The following GATAD2B variants were observed in gnomAD, a reference collection of about 807,000 sequenced individuals.
GATAD2B encodes transcriptional repressor p66-beta.
A neutral mutation model predicts 64.3 loss-of-function variants in GATAD2B; 8 were observed. That is an observed-to-expected ratio of 0.12 (90% confidence interval 0.07 to 0.22). The LOEUF is 0.22. GATAD2B is among the 10% of genes least tolerant of loss of function. The pLI, the probability that GATAD2B is intolerant of heterozygous loss-of-function variation, is 1.00. For synonymous variants in GATAD2B, 281 were observed against 271.3 expected, an observed-to-expected ratio of 1.04 and a Z score of -0.35; for missense variants, 453 against 752.0, an observed-to-expected ratio of 0.60 and a Z score of 4.65.
chr1:153,849,238 G>A (rs759164933), intron 1 of GATAD2B, among the ~76,000 whole-genome samples: 2 of 152,212 alleles, frequency 1.3e-5, no homozygotes, highest in Non-Finnish European at 2.9e-5. Flanking sequence ...CAAGGTACTG[G>A]CATGTGGTGA....
At chr1:153,912,360 C>G (rs765938569) in intron 1 of GATAD2B, among the ~76,000 whole-genome samples, 1 of 152,012 alleles carries the variant, frequency 6.6e-6, no homozygotes, top group Non-Finnish European at 1.5e-5. Flanking sequence ...ATAAGCAAAA[C>G]TTTCAAATTC....
In GATAD2B at chr1:153,888,543, G is replaced by C. The variant is rs916846062; in HGVS notation, c.-2+34190C>G. 6.6e-5 allele frequency among the ~76,000 whole-genome samples: 10 copies of C among 152,142 alleles called. 1 individual carries two copies. The highest frequency in any genetic ancestry group is 2.4e-4 in the African/African-American group (10 of 41,418). On this transcript the variant is annotated intron_variant, in intron 1 of 10. Transcript: ENST00000368655. ...CTGTACCTTCCCTCTATCTTTGCAG[G>C]GGGACCAAGTTCTTTTTAGGCAAGT...
intron 1 of GATAD2B, among the ~76,000 whole-genome samples, chr1:153,868,720 TA>T (rs1676559083): frequency 6.6e-6 from 1 of 151,500 alleles, no homozygotes; most frequent in Non-Finnish European, 1.5e-5. Flanking sequence ...GTTTTCCCAC[TA>T]ATATATATAC....
intron 1 of GATAD2B, among the ~76,000 whole-genome samples, chr1:153,863,695 C>A (rs1344786720): frequency 6.6e-6 from 1 of 151,804 alleles, no homozygotes; most frequent in Non-Finnish European, 1.5e-5. Context: ...GCGATCTTGG[C>A]TCAGTGCAAC....
intron 2 of GATAD2B, among the ~76,000 whole-genome samples, chr1:153,825,722 A>C (rs909252443): frequency 6.6e-6 from 1 of 151,972 alleles, no homozygotes; most frequent in East Asian, 1.9e-4. Context: ...CCGCTTACTA[A>C]GAGTTTTTAA....
intron 1 of GATAD2B, among the ~76,000 whole-genome samples, chr1:153,850,684 C>T (rs546234760): frequency 6.6e-6 from 1 of 152,138 alleles, no homozygotes; most frequent in African/African-American, 2.4e-5. Context: ...CTTTGGGAGG[C>T]CTACGCAGGC....
At position 153,806,601 on chromosome 1, in the gene GATAD2B, T is replaced by C. The variant is rs1674119515; in HGVS notation, c.*3576A>G. 2 of 139,830 alleles carry C rather than the reference T, an allele frequency of 1.4e-5. No homozygotes were observed. 8.7% of individuals were successfully genotyped at this position (139,830 alleles called of 1,614,324 possible). A position where few individuals can be genotyped will look rare whatever the true frequency, so the allele number is the denominator to read the frequency against. On this transcript the variant is annotated 3_prime_UTR_variant, in exon 11 of 11. Coordinates refer to ENST00000368655, the MANE Select transcript of GATAD2B (RefSeq NM_020699.4). ...AATATCCATGGCTAGGGCTTTTTTT[T>C]CTCTTTTTCAGGTTTTTTTTTTTTT...
At chr1:153,827,859 T>C (rs979153901) in intron 2 of GATAD2B, among the ~76,000 whole-genome samples, 154 bp downstream of exon 2, 1 of 152,198 alleles carries the variant, frequency 6.6e-6, no homozygotes, top group Non-Finnish European at 1.5e-5. Context: ...TGGTTTCATT[T>C]GGAAATAAAA....
intron 1 of GATAD2B, among the ~76,000 whole-genome samples, chr1:153,839,295 C>A (rs367736027): frequency 7.9e-5 from 12 of 152,000 alleles, no homozygotes; most frequent in African/African-American, 2.7e-4. Flanking sequence ...TAAACCAAAA[C>A]CTGGATTTGC....
At chr1:153,848,062 C>T (rs1352013786) in intron 1 of GATAD2B, among the ~76,000 whole-genome samples, 2 of 152,152 alleles carry the variant, frequency 1.3e-5, no homozygotes, top group African/African-American at 2.4e-5. Context: ...ATAAATTCCC[C>T]AGTTAGTTCT....
intron 1 of GATAD2B, among the ~76,000 whole-genome samples, chr1:153,876,954 T>C (rs1050457075): frequency 2.6e-5 from 4 of 151,380 alleles, no homozygotes; most frequent in African/African-American, 9.7e-5. Context: ...CGGGTGGAGG[T>C]TACAGTGAGC....
At chr1:153,848,656 G>A (rs1420917776) in intron 1 of GATAD2B, among the ~76,000 whole-genome samples, 1 of 152,056 alleles carries the variant, frequency 6.6e-6, no homozygotes. Context: ...ATCTCCATTT[G>A]GGTGTTGTCT....
intron 1 of GATAD2B, among the ~76,000 whole-genome samples, chr1:153,919,562 A>C (rs1343628062): frequency 6.6e-6 from 1 of 152,198 alleles, no homozygotes. Context: ...CCTACAGAAA[A>C]AGCTTCACAG....
chr1:153,834,444 G>A (rs577979526), intron 1 of GATAD2B, among the ~76,000 whole-genome samples: 1 of 151,686 alleles, frequency 6.6e-6, no homozygotes, highest in Non-Finnish European at 1.5e-5. Flanking sequence ...GCCCAGGCTG[G>A]AGTGCAATGG....
chr1:153,834,898 T>C (rs1026877087), intron 1 of GATAD2B, among the ~76,000 whole-genome samples: 2 of 151,620 alleles, frequency 1.3e-5, no homozygotes, highest in African/African-American at 2.4e-5. Context: ...GACAGGAGGA[T>C]CACTTGAGCC....
intron 1 of GATAD2B, among the ~76,000 whole-genome samples, chr1:153,829,321 C>A (rs1437291180): frequency 6.6e-6 from 1 of 152,158 alleles, no homozygotes; most frequent in African/African-American, 2.4e-5. Flanking sequence ...GTAAGAAAAT[C>A]TTTTAAGTCA....
intron 7 of GATAD2B, among the ~76,000 whole-genome samples, chr1:153,813,834 C>T (rs554144470): frequency 1.3e-4 from 20 of 152,188 alleles, no homozygotes; most frequent in Admixed American, 1.0e-3. Context: ...AAAAATTAGG[C>T]GGGCGTGGTG....
chr1:153,835,515 C>G (rs1675231890), intron 1 of GATAD2B, among the ~76,000 whole-genome samples: 2 of 151,766 alleles, frequency 1.3e-5, no homozygotes, highest in African/African-American at 4.8e-5. Flanking sequence ...CCTTCAGCAA[C>G]CACCACACTA....
At chr1:153,865,312 T>C (rs1487347075) in intron 1 of GATAD2B, among the ~76,000 whole-genome samples, 1 of 151,552 alleles carries the variant, frequency 6.6e-6, no homozygotes, top group Admixed American at 6.6e-5. Flanking sequence ...AATACAAAAA[T>C]TTTCTGGACG....
Sources: gnomAD v4.1 joint callset for allele counts (sites outside exome capture counted in the v4.1 genomes callset) on GRCh38, gnomAD v4.1.1 for gene constraint, MANE v1.5 for transcripts, NCBI Gene and HGNC (gene_info 2026-07-23, HGNC 2026-07-21) for gene names.